Variants in GRIA4 observed in about 807,000 individuals in gnomAD.
The protein encoded by GRIA4 is glutamate ionotropic receptor AMPA type subunit 4, also known as glutamate receptor 4.
In GRIA4, 34 loss-of-function variants were observed where a neutral mutation model predicts 104.0. The observed-to-expected ratio is 0.33, with a 90% CI of 0.25 to 0.44. GRIA4 has a LOEUF of 0.44. Among genes scored for constraint, GRIA4 ranks in the 20% least tolerant of loss-of-function variants. The probability of loss-of-function intolerance (pLI) is 1.00; values close to 1 mark genes in which losing one functional copy is unlikely to be tolerated. For missense variants in GRIA4, 750 were observed against 1,096.5 expected, an observed-to-expected ratio of 0.68 and a Z score of 4.46; for synonymous variants, 386 against 381.9, an observed-to-expected ratio of 1.01 and a Z score of -0.13.
At chr11:105,962,894 T>A (rs954625505) in intron 14 of GRIA4, among the ~76,000 whole-genome samples, 56 of 152,214 alleles carry the variant, frequency 3.7e-4, no homozygotes, top group Admixed American at 3.7e-3. Flanking sequence ...ATGTAAGAAA[T>A]AGCTAAAAAT....
intron 9 of GRIA4, among the ~76,000 whole-genome samples, chr11:105,907,242 T>G (rs545429126): frequency 6.6e-6 from 1 of 152,220 alleles, no homozygotes; most frequent in South Asian, 2.1e-4. Context: ...TGATGAACAG[T>G]GCATCTTCAC....
chr11:105,898,631 A>G (rs1388500105), intron 7 of GRIA4, among the ~76,000 whole-genome samples: 1 of 152,144 alleles, frequency 6.6e-6, no homozygotes, highest in Non-Finnish European at 1.5e-5. Context: ...ACATTAGCTC[A>G]GGCAGTTTAC....
intron 3 of GRIA4, among the ~76,000 whole-genome samples, chr11:105,669,706 A>G (rs888798721): frequency 2.0e-5 from 3 of 152,178 alleles, no homozygotes; most frequent in African/African-American, 4.8e-5. Context: ...TATCTCAGGT[A>G]TGCAGTAGCC....
intron 3 of GRIA4, among the ~76,000 whole-genome samples, chr11:105,717,681 T>G (rs533314670): frequency 1.3e-5 from 2 of 152,192 alleles, no homozygotes; most frequent in East Asian, 3.9e-4. Flanking sequence ...GATTTTTAAG[T>G]ACAGCCTTTG....
chr11:105,662,003 GTGTT>G (rs1823095686), intron 3 of GRIA4, among the ~76,000 whole-genome samples: 1 of 76,832 alleles, frequency 1.3e-5, no homozygotes, highest in African/African-American at 4.8e-5. Context: ...GTGTGTGTGT[GTGTT>G]TGTGTGTGTG....
chr11:105,644,266 G>A (rs1041949107), intron 3 of GRIA4, among the ~76,000 whole-genome samples: 5 of 152,084 alleles, frequency 3.3e-5, no homozygotes, highest in African/African-American at 1.2e-4. Context: ...GCCACATCAA[G>A]CTCAGTGGTC....
chr11:105,641,551 A>T (rs1465147844), intron 3 of GRIA4, among the ~76,000 whole-genome samples: 1 of 152,194 alleles, frequency 6.6e-6, no homozygotes, highest in African/African-American at 2.4e-5. Flanking sequence ...GAATACATCA[A>T]GATAGAGCAT....
At chr11:105,619,683 T>C (rs1398026732) in intron 3 of GRIA4, among the ~76,000 whole-genome samples, 1 of 151,946 alleles carries the variant, frequency 6.6e-6, no homozygotes, top group South Asian at 2.1e-4. Flanking sequence ...TTATGCAAAA[T>C]TGTGTGTACT....
chr11:105,628,199 T>C (rs1950937343), intron 3 of GRIA4, among the ~76,000 whole-genome samples: 1 of 152,188 alleles, frequency 6.6e-6, no homozygotes, highest in Non-Finnish European at 1.5e-5. Context: ...CTCAAAATAA[T>C]GATTTATGAA....
chr11:105,771,295 T>C (rs900915872), intron 4 of GRIA4, among the ~76,000 whole-genome samples: 2 of 152,238 alleles, frequency 1.3e-5, no homozygotes, highest in East Asian at 3.9e-4. Context: ...CACTATTTTT[T>C]GAAACATTAT....
intron 3 of GRIA4, among the ~76,000 whole-genome samples, chr11:105,624,028 T>C (rs1305099938): frequency 6.6e-6 from 1 of 152,108 alleles, no homozygotes; most frequent in African/African-American, 2.4e-5. Context: ...TGTGTTATAT[T>C]ATCGAAAAAT....
chr11:105,881,295 C>T (rs575758252), intron 5 of GRIA4, among the ~76,000 whole-genome samples: 3 of 152,200 alleles, frequency 2.0e-5, no homozygotes, highest in Admixed American at 6.5e-5. Flanking sequence ...CTAAACTCTT[C>T]CTTCTCCAAG....
At chr11:105,872,402 A>C (rs963853113) in intron 5 of GRIA4, among the ~76,000 whole-genome samples, 6 of 152,068 alleles carry the variant, frequency 3.9e-5, no homozygotes, top group Non-Finnish European at 8.8e-5. Flanking sequence ...TGGCTCACAC[A>C]GTCCTCTACA....
chr11:105,740,175 T>C (rs1307698090), intron 3 of GRIA4, among the ~76,000 whole-genome samples: 1 of 152,260 alleles, frequency 6.6e-6, no homozygotes, highest in African/African-American at 2.4e-5. Context: ...ACAATTAATA[T>C]ATAACTATGA....
chr11:105,759,881 T>C (rs1223133061), intron 4 of GRIA4, among the ~76,000 whole-genome samples: 1 of 152,154 alleles, frequency 6.6e-6, no homozygotes, highest in East Asian at 1.9e-4. Flanking sequence ...TTTAATTATG[T>C]CTTCATCATC....
At chr11:105,968,918 G>A (rs589574) in intron 14 of GRIA4, among the ~76,000 whole-genome samples, 98,477 of 152,034 alleles carry the variant, frequency 0.65, 31,931 homozygotes, top group Middle Eastern at 0.72. Flanking sequence ...TTCAATCCTG[G>A]TTCTAGTTAG....
chr11:105,908,202 T>A (rs1947111697), intron 9 of GRIA4, among the ~76,000 whole-genome samples: 1 of 152,208 alleles, frequency 6.6e-6, no homozygotes, highest in South Asian at 2.1e-4. Flanking sequence ...TACATTTGCA[T>A]ACAAATCACC....
chr11:105,888,191 G>C (rs953019902), intron 6 of GRIA4, among the ~76,000 whole-genome samples: 8 of 144,088 alleles, frequency 5.6e-5, no homozygotes, highest in Admixed American at 1.4e-4. Flanking sequence ...AGCCTCTCTT[G>C]CTTTATTATA....
rs139065345 is a variant in GRIA4 at position 105,802,639 on chromosome 11, T to C, written c.487+49419T>C. Among the ~76,000 whole-genome samples, 542 of 152,148 alleles carry C rather than the reference T, an allele frequency of 3.6e-3. 3 individuals carry two copies. The highest frequency in any genetic ancestry group is 0.012 in the African/African-American group (514 of 41,550). ...AAAGTTTTCTGGATATTGCTTACTA[T>C]TCAGTTCAAAATTTTTACAAATAAA... On this transcript the variant is annotated intron_variant, in intron 4 of 16. Transcript: ENST00000282499.
Sources: gnomAD v4.1 joint callset for allele counts (sites outside exome capture counted in the v4.1 genomes callset) on GRCh38, gnomAD v4.1.1 for gene constraint, MANE v1.5 for transcripts, NCBI Gene and HGNC (gene_info 2026-07-23, HGNC 2026-07-21) for gene names.